PCDH7: variants seen among roughly 807,000 people sequenced by gnomAD.
The protein encoded by PCDH7 is protocadherin-7.
Under a neutral mutation model 58.9 loss-of-function variants are expected in PCDH7, and 17 were observed. That is an observed-to-expected ratio of 0.29 (90% CI 0.20 to 0.43). The LOEUF (loss-of-function observed/expected upper bound fraction) is 0.43. PCDH7 is among the 20% of genes least tolerant of loss of function. PCDH7 has a pLI of 1.00. For synonymous variants in PCDH7, 664 were observed against 616.4 expected (o/e 1.08, Z -1.14); for missense variants, 1,274 against 1,441.0 (o/e 0.88, Z 1.88).
At chr4:30,993,347 G>C (rs1463675072) in intron 3 of PCDH7, among the ~76,000 whole-genome samples, 1 of 152,140 alleles carries the variant, frequency 6.6e-6, no homozygotes, top group Non-Finnish European at 1.5e-5. Flanking sequence ...TTCAAGTCTG[G>C]TCATGATGCT....
intron 1 of PCDH7, among the ~76,000 whole-genome samples, chr4:30,824,073 G>T (rs11946238): frequency 0.28 from 41,959 of 147,576 alleles, 7,181 homozygotes; most frequent in African/African-American, 0.49. Flanking sequence ...ATTAAAGCGG[G>T]GTTTCTTTTC....
chr4:30,908,780 T>G (rs1326441161), intron 1 of PCDH7, among the ~76,000 whole-genome samples: 1 of 152,196 alleles, frequency 6.6e-6, no homozygotes, highest in Non-Finnish European at 1.5e-5. Flanking sequence ...CCATTTCTTC[T>G]GAAACTATTC....
rs558922188 is a variant in PCDH7 at position 30,892,591 on chromosome 4, C to T, written c.71-27562C>T. Among the ~76,000 whole-genome samples the T allele has an allele frequency of 1.8e-4, 27 of 152,146 alleles. No individual in the cohort carries two copies. In the East Asian group the frequency reaches 4.1e-3, roughly 23 times the overall value. On this transcript the variant is annotated intron_variant, in intron 1 of 3. Transcript: ENST00000509759. ...AGCCTTTTTCATGCAATGAATTATACTGCATAGGTTTGTGAAAAATGATAT... is the reference window on the plus strand; with the variant it reads ...AGCCTTTTTCATGCAATGAATTATATTGCATAGGTTTGTGAAAAATGATAT...
At chr4:30,747,169 A>G (rs973630070) in intron 1 of PCDH7, among the ~76,000 whole-genome samples, 3 of 152,224 alleles carry the variant, frequency 2.0e-5, no homozygotes, top group African/African-American at 7.2e-5. Context: ...TATGGTTTAT[A>G]TAGTTAATAC....
At chr4:30,840,417 G>C (rs926020723) in intron 1 of PCDH7, among the ~76,000 whole-genome samples, 1 of 152,058 alleles carries the variant, frequency 6.6e-6, no homozygotes, top group African/African-American at 2.4e-5. Context: ...TATGTGGTTT[G>C]TGGGATTTTT....
intron 3 of PCDH7, among the ~76,000 whole-genome samples, chr4:31,056,865 C>A (rs1424810337): frequency 2.0e-5 from 3 of 152,190 alleles, no homozygotes; most frequent in Non-Finnish European, 4.4e-5. Context: ...CAGGCATGAG[C>A]CACCACACCC....
intron 3 of PCDH7, among the ~76,000 whole-genome samples, chr4:31,034,517 G>C (rs1755221522): frequency 6.6e-6 from 1 of 152,128 alleles, no homozygotes; most frequent in Non-Finnish European, 1.5e-5. Flanking sequence ...TTACAATGAA[G>C]ACAACTAAAG....
At chr4:30,883,629 G>C (rs1017890538) in intron 1 of PCDH7, among the ~76,000 whole-genome samples, 1 of 152,070 alleles carries the variant, frequency 6.6e-6, no homozygotes, top group South Asian at 2.1e-4. Flanking sequence ...TTTACTTCAC[G>C]TGATGTACAC....
At chr4:30,804,946 G>A (rs1043639291) in intron 1 of PCDH7, among the ~76,000 whole-genome samples, 4 of 152,108 alleles carry the variant, frequency 2.6e-5, no homozygotes, top group Admixed American at 6.5e-5. Context: ...TGTGGGGCTC[G>A]TTTTGTCCTT....
At chr4:30,850,233 A>C (rs572498527) in intron 1 of PCDH7, among the ~76,000 whole-genome samples, 102 of 152,250 alleles carry the variant, frequency 6.7e-4, no homozygotes, top group African/African-American at 2.4e-3. Flanking sequence ...GCAAGGTTTT[A>C]GTGTATCTCA....
rs574026536 is a variant in PCDH7 at position 30,894,798 on chromosome 4, T to C, written c.71-25355T>C. Among the ~76,000 whole-genome samples the C allele has an allele frequency of 7.3e-5, 11 of 150,644 alleles. No homozygotes were observed. The East Asian group carries it at 2.2e-3, about 30-fold the overall frequency. On this transcript the variant is annotated intron_variant, in intron 1 of 3. Transcript: ENST00000509759. ...GGAACCTGATTTTACGTTGTGGCTTTGCCCCTTCTGCTTGATTGCTGGAAG... is the reference window on the plus strand; with the variant it reads ...GGAACCTGATTTTACGTTGTGGCTTCGCCCCTTCTGCTTGATTGCTGGAAG...
intron 3 of PCDH7, among the ~76,000 whole-genome samples, chr4:30,959,249 T>C (rs1010483728): frequency 2.0e-5 from 3 of 150,800 alleles, no homozygotes; most frequent in Admixed American, 6.6e-5. Flanking sequence ...GGAAAGTCTT[T>C]TTTTTTTTTT....
At chr4:30,914,584 ATT>A in intron 1 of PCDH7, among the ~76,000 whole-genome samples, 1 of 152,274 alleles carries the variant, frequency 6.6e-6, no homozygotes, top group Middle Eastern at 3.4e-3. Context: ...TAGGTTTGAA[ATT>A]TTTTGTGGAT....
chr4:30,833,917 C>G (rs1237851419), intron 1 of PCDH7, among the ~76,000 whole-genome samples: 1 of 152,118 alleles, frequency 6.6e-6, no homozygotes, highest in Non-Finnish European at 1.5e-5. Context: ...AGTTGTCTGT[C>G]AAATAAGTAA....
intron 3 of PCDH7, among the ~76,000 whole-genome samples, chr4:31,026,479 A>G (rs1478879648): frequency 6.6e-6 from 1 of 152,236 alleles, no homozygotes; most frequent in East Asian, 1.9e-4. Flanking sequence ...TGAACATATT[A>G]TGGAGCTGAC....
At chr4:30,835,015 A>G (rs980234761) in intron 1 of PCDH7, among the ~76,000 whole-genome samples, 1 of 152,144 alleles carries the variant, frequency 6.6e-6, no homozygotes, top group Non-Finnish European at 1.5e-5. Context: ...TAGGAGAGCC[A>G]TATATAATAA....
chr4:30,927,130 C>T lies in PCDH7; in HGVS notation c.287+6761C>T, dbSNP rs1358608315. 2.0e-5 allele frequency among the ~76,000 whole-genome samples: 3 copies of T among 152,222 alleles called. No individual in the cohort carries two copies. The East Asian group carries it at 5.8e-4, about 29-fold the overall frequency. ...TAGTGGTTTTGTTACCTCCAGACTC[C>T]CAAAGCTTTTGCTTGTGTGAATTTC... On this transcript the variant is annotated intron_variant, in intron 2 of 3. Transcript: ENST00000509759.
chr4:31,017,792 A>G (rs140349150), intron 3 of PCDH7, among the ~76,000 whole-genome samples: 28 of 152,306 alleles, frequency 1.8e-4, no homozygotes, highest in African/African-American at 6.7e-4. Flanking sequence ...TTGAGGGTAC[A>G]TTGATTTTAT....
At chr4:31,107,331 G>A (rs2109307035) in intron 3 of PCDH7, among the ~76,000 whole-genome samples, 1 of 152,200 alleles carries the variant, frequency 6.6e-6, no homozygotes, top group South Asian at 2.1e-4. Context: ...AGCAAAGAAG[G>A]ATGATACAAA....
Sources: gnomAD v4.1 joint callset for allele counts (sites outside exome capture counted in the v4.1 genomes callset) on GRCh38, gnomAD v4.1.1 for gene constraint, MANE v1.5 for transcripts, NCBI Gene and HGNC (gene_info 2026-07-23, HGNC 2026-07-21) for gene names.